SLIT3: variants seen among roughly 807,000 people sequenced by gnomAD.
SLIT3 encodes the protein slit homolog 3 protein.
A neutral mutation model predicts 184.0 loss-of-function variants in SLIT3; 68 were observed. The ratio of observed to expected loss-of-function variants is 0.37; its 90% CI spans 0.30 to 0.45. The LOEUF is 0.45. Ranked by LOEUF, SLIT3 falls within the 20% of genes least tolerant of loss-of-function variation. SLIT3 has a pLI of 1.00. For missense variants in SLIT3, 1,707 were observed against 2,026.0 expected (o/e 0.84, Z 3.02); for synonymous variants, 831 against 828.6 (o/e 1.00, Z -0.05).
intron 5 of SLIT3, among the ~76,000 whole-genome samples, chr5:168,848,284 A>G (rs1758553331): frequency 6.6e-6 from 1 of 152,138 alleles, no homozygotes; most frequent in African/African-American, 2.4e-5. Flanking sequence ...GACAATAAAG[A>G]CTGAGCCCTC....
chr5:169,003,135 TG>T (rs1333622520), intron 4 of SLIT3, among the ~76,000 whole-genome samples: 1 of 152,254 alleles, frequency 6.6e-6, no homozygotes, highest in Non-Finnish European at 1.5e-5. Flanking sequence ...ATTACCAGTA[TG>T]TATCTACATA....
chr5:169,085,067 C>G (rs1759236276), intron 4 of SLIT3, among the ~76,000 whole-genome samples: 1 of 152,162 alleles, frequency 6.6e-6, no homozygotes, highest in Non-Finnish European at 1.5e-5. Context: ...CTACCCACAC[C>G]TTGGAGAAAA....
chr5:168,686,940 C>A (rs1468371239), intron 30 of SLIT3, 39 bp downstream of exon 30: 3 of 1,602,614 alleles, frequency 1.9e-6, no homozygotes, highest in South Asian at 2.2e-5. Flanking sequence ...TGCCACCTGG[C>A]CCAGGCTGTC....
chr5:168,690,138 C>G, intron 29 of SLIT3, among the ~76,000 whole-genome samples: 1 of 138,134 alleles, frequency 7.2e-6, no homozygotes, highest in South Asian at 2.4e-4. Flanking sequence ...TGTTTTCTTT[C>G]TTTTTTTTTT....
intron 12 of SLIT3, among the ~76,000 whole-genome samples, chr5:168,776,756 C>G (rs1755763090): frequency 1.3e-5 from 2 of 152,216 alleles, no homozygotes; most frequent in Non-Finnish European, 1.5e-5. Context: ...AGCAGAGAAA[C>G]AGGGAGAAAA....
chr5:168,947,578 G>A (rs980451498), intron 4 of SLIT3, among the ~76,000 whole-genome samples: 3 of 152,178 alleles, frequency 2.0e-5, no homozygotes, highest in African/African-American at 7.2e-5. Flanking sequence ...CAGGGGCAGG[G>A]CCACCTGGGT....
chr5:168,692,086 C>A (rs986082454), intron 29 of SLIT3, among the ~76,000 whole-genome samples: 1 of 152,210 alleles, frequency 6.6e-6, no homozygotes, highest in African/African-American at 2.4e-5. Context: ...ACAGCTCCGC[C>A]AATGGCCATG....
At chr5:169,141,397 G>A (rs1761731147) in intron 4 of SLIT3, among the ~76,000 whole-genome samples, 1 of 151,478 alleles carries the variant, frequency 6.6e-6, no homozygotes, top group Non-Finnish European at 1.5e-5. Flanking sequence ...CTCAGAGACT[G>A]TAAGATTTTT....
intron 4 of SLIT3, among the ~76,000 whole-genome samples, chr5:169,169,363 G>C (rs1321904686): frequency 3.9e-5 from 6 of 152,170 alleles, no homozygotes. Context: ...GCTCTCAAAG[G>C]CTGCTTCCAG....
At chr5:168,673,109 C>T in intron 33 of SLIT3, 68 bp downstream of exon 33, 4 of 1,515,176 alleles carry the variant, frequency 2.6e-6, no homozygotes, top group Non-Finnish European at 2.7e-6. Context: ...TTGGCAGTGG[C>T]CTGGGTTTCT....
At chr5:168,914,492 G>A (rs1212268160) in intron 4 of SLIT3, among the ~76,000 whole-genome samples, 2 of 152,150 alleles carry the variant, frequency 1.3e-5, no homozygotes, top group Non-Finnish European at 2.9e-5. Flanking sequence ...TCCACTAGCT[G>A]CTGCTGCCGT....
intron 5 of SLIT3, among the ~76,000 whole-genome samples, chr5:168,867,534 G>A (rs1310548694): frequency 6.6e-6 from 1 of 152,244 alleles, no homozygotes; most frequent in Non-Finnish European, 1.5e-5. Context: ...GTAGGGCAAA[G>A]TCACTCACTT....
intron 3 of SLIT3, among the ~76,000 whole-genome samples, chr5:169,234,562 C>G (rs113791694): frequency 6.6e-6 from 1 of 152,032 alleles, no homozygotes; most frequent in East Asian, 1.9e-4. Context: ...TGCCATCACA[C>G]CTGGCTAATT....
chr5:168,990,782 C>T (rs915800929), intron 4 of SLIT3, among the ~76,000 whole-genome samples: 4 of 152,178 alleles, frequency 2.6e-5, no homozygotes, highest in Non-Finnish European at 5.9e-5. Context: ...CAGCTGACTG[C>T]TGGGTCAGTC....
intron 34 of SLIT3, among the ~76,000 whole-genome samples, chr5:168,670,755 T>G (rs1220323476): frequency 6.6e-6 from 1 of 152,214 alleles, no homozygotes; most frequent in Non-Finnish European, 1.5e-5. Context: ...ATCTCCTATA[T>G]TTAGCATGAG....
chr5:169,276,082 A>G (rs940834778), intron 1 of SLIT3, among the ~76,000 whole-genome samples: 7 of 152,132 alleles, frequency 4.6e-5, no homozygotes, highest in African/African-American at 1.7e-4. Flanking sequence ...TGGTGAGCTA[A>G]GCCTAAACAA....
At chr5:169,236,320 A>C (rs1765197767) in intron 3 of SLIT3, among the ~76,000 whole-genome samples, 1 of 152,202 alleles carries the variant, frequency 6.6e-6, no homozygotes. Context: ...AACATGCCTC[A>C]GTCCTAGAAT....
At chr5:169,089,047 AAAAAAAAAG>A (rs1759458156) in intron 4 of SLIT3, among the ~76,000 whole-genome samples, 3 of 146,092 alleles carry the variant, frequency 2.1e-5, no homozygotes, top group African/African-American at 5.2e-5. Flanking sequence ...AAAAAAAAAA[AAAAAAAAAG>A]AAGTGCTGAC....
chr5:168,814,954 G>C (rs894656928), intron 8 of SLIT3, among the ~76,000 whole-genome samples: 2 of 152,152 alleles, frequency 1.3e-5, no homozygotes, highest in Non-Finnish European at 2.9e-5. Context: ...GTAACCCATG[G>C]GAGTCTGCTA....
Sources: gnomAD v4.1 joint callset for allele counts (sites outside exome capture counted in the v4.1 genomes callset) on GRCh38, gnomAD v4.1.1 for gene constraint, MANE v1.5 for transcripts, NCBI Gene and HGNC (gene_info 2026-07-23, HGNC 2026-07-21) for gene names.